Variants in SLC35F4 observed in about 807,000 individuals in gnomAD.
SLC35F4 encodes the protein chromosome 14 open reading frame 36.
SLC35F4 carries 24 observed loss-of-function variants against 44.2 expected under a neutral mutation model. The ratio of observed to expected loss-of-function variants is 0.54; its 90% CI spans 0.39 to 0.76. SLC35F4 has a LOEUF of 0.76. Among genes scored for constraint, SLC35F4 ranks in the 30% least tolerant of loss-of-function variants. The probability of loss-of-function intolerance (pLI) is 0.00; values close to 1 mark genes in which losing one functional copy is unlikely to be tolerated. For synonymous variants in SLC35F4, 238 were observed against 223.6 expected (o/e 1.06, Z -0.57); for missense variants, 562 against 586.1 (o/e 0.96, Z 0.42).
chr14:57,886,937 T>A (rs1057470391), intron 1 of SLC35F4, among the ~76,000 whole-genome samples: 1 of 152,184 alleles, frequency 6.6e-6, no homozygotes, highest in Non-Finnish European at 1.5e-5. Flanking sequence ...ATCCCATGTG[T>A]TTAAGACACC....
intron 1 of SLC35F4, among the ~76,000 whole-genome samples, chr14:57,904,350 GAC>G (rs1047984293): frequency 1.3e-5 from 2 of 152,246 alleles, no homozygotes; most frequent in Non-Finnish European, 2.9e-5. Context: ...TGAAAATTTG[GAC>G]AGTTTTGTTA....
intron 1 of SLC35F4, among the ~76,000 whole-genome samples, chr14:57,816,569 G>A: frequency 6.6e-6 from 1 of 152,178 alleles, no homozygotes; most frequent in East Asian, 1.9e-4. Context: ...TGAATTTACT[G>A]ATGTAGTAAC....
chr14:57,566,465 G>C lies in SLC35F4; in HGVS notation c.1216+10C>G, dbSNP rs199644690. 7 of 1,581,064 alleles carry C rather than the reference G, an allele frequency of 4.4e-6. No individual in the cohort carries two copies. In the African/African-American group the frequency reaches 9.4e-5, roughly 21 times the overall value. On this transcript the variant is annotated intron_variant, in intron 7 of 7. Transcript: ENST00000556826. ...GGCCAGGATCTGCACATGTCACATG[G>C]TGCCTGTACCTGCATTTCCAGGAAC...
intron 1 of SLC35F4, among the ~76,000 whole-genome samples, chr14:57,872,801 T>C (rs1420088988): frequency 1.3e-5 from 2 of 152,192 alleles, no homozygotes; most frequent in Admixed American, 1.3e-4. Flanking sequence ...TCAGTCTTCA[T>C]GCTAAACTAT....
At chr14:57,645,069 T>C (rs2073436790) in intron 1 of SLC35F4, among the ~76,000 whole-genome samples, 1 of 152,264 alleles carries the variant, frequency 6.6e-6, no homozygotes, top group African/African-American at 2.4e-5. Flanking sequence ...CCTCCAGCTT[T>C]GTTCTTTTGG....
At chr14:57,659,252 C>T (rs1385028648) in intron 1 of SLC35F4, among the ~76,000 whole-genome samples, 1 of 151,976 alleles carries the variant, frequency 6.6e-6, no homozygotes, top group Middle Eastern at 3.2e-3. Context: ...AAAAGGAATC[C>T]CAAGGGACAG....
intron 1 of SLC35F4, among the ~76,000 whole-genome samples, chr14:57,864,916 C>T (rs150694230): frequency 9.6e-4 from 146 of 152,302 alleles, no homozygotes; most frequent in African/African-American, 3.4e-3. Flanking sequence ...GGACTGCGAG[C>T]AGAGCACACC....
chr14:57,763,452 C>CA (rs1437411400), intron 1 of SLC35F4, among the ~76,000 whole-genome samples: 1 of 152,030 alleles, frequency 6.6e-6, no homozygotes, highest in African/African-American at 2.4e-5. Context: ...GTGCAAACTC[C>CA]AGAGTCAGAA....
intron 1 of SLC35F4, among the ~76,000 whole-genome samples, chr14:57,834,800 A>G (rs1216180949): frequency 6.6e-6 from 1 of 152,210 alleles, no homozygotes; most frequent in East Asian, 1.9e-4. Context: ...TAGGCGGATC[A>G]CCTGAGGTCA....
intron 1 of SLC35F4, among the ~76,000 whole-genome samples, chr14:57,916,948 T>C (rs915076860): frequency 6.6e-6 from 1 of 152,218 alleles, no homozygotes; most frequent in African/African-American, 2.4e-5. Context: ...TCTTCATTTA[T>C]GTTAGAGTTT....
intron 1 of SLC35F4, among the ~76,000 whole-genome samples, chr14:57,966,549 T>C (rs1890441722): frequency 6.6e-6 from 1 of 152,166 alleles, no homozygotes; most frequent in South Asian, 2.1e-4. Context: ...GAATATAATA[T>C]TATATCACTG....
At chr14:57,630,550 TA>T in intron 1 of SLC35F4, 2 of 1,102,180 alleles carry the variant, frequency 1.8e-6, no homozygotes, top group Non-Finnish European at 2.8e-6. Flanking sequence ...AAACACATTA[TA>T]AGTCTGGCTC....
chr14:57,774,551 C>T (rs372492689), intron 1 of SLC35F4, among the ~76,000 whole-genome samples: 1 of 152,186 alleles, frequency 6.6e-6, no homozygotes, highest in South Asian at 2.1e-4. Context: ...CTGACCTGAA[C>T]CCTGCGAGGT....
chr14:57,701,205 C>G (rs1309369784), intron 1 of SLC35F4, among the ~76,000 whole-genome samples: 1 of 150,852 alleles, frequency 6.6e-6, no homozygotes, highest in Non-Finnish European at 1.5e-5. Context: ...TTAGTCTAGA[C>G]CTACACAGGG....
At chr14:57,680,859 T>G (rs78996124) in intron 1 of SLC35F4, among the ~76,000 whole-genome samples, 22,403 of 151,930 alleles carry the variant, frequency 0.15, 1,896 homozygotes, top group East Asian at 0.29. Context: ...ACTGCTCAAG[T>G]AAATAAGAGA....
intron 1 of SLC35F4, among the ~76,000 whole-genome samples, chr14:57,877,202 C>T (rs1284620558): frequency 6.6e-6 from 1 of 152,106 alleles, no homozygotes; most frequent in African/African-American, 2.4e-5. Context: ...TTGTTCTCTT[C>T]TTTGTGTCCA....
At chr14:57,799,878 A>AG (rs2078148844) in intron 1 of SLC35F4, among the ~76,000 whole-genome samples, 1 of 152,026 alleles carries the variant, frequency 6.6e-6, no homozygotes, top group South Asian at 2.1e-4. Context: ...TGGAGCTCTG[A>AG]GGGGGAGGTG....
At chr14:57,798,503 C>T (rs949744316) in intron 1 of SLC35F4, among the ~76,000 whole-genome samples, 1 of 152,158 alleles carries the variant, frequency 6.6e-6, no homozygotes, top group Non-Finnish European at 1.5e-5. Context: ...CTAAACAATT[C>T]TGAAACTTCC....
intron 1 of SLC35F4, among the ~76,000 whole-genome samples, chr14:57,787,426 C>T (rs753442491): frequency 1.4e-4 from 21 of 152,088 alleles, no homozygotes; most frequent in Non-Finnish European, 2.2e-4. Context: ...CTGGGAAATT[C>T]ATCGTAAAAA....
Sources: gnomAD v4.1 joint callset for allele counts (sites outside exome capture counted in the v4.1 genomes callset) on GRCh38, gnomAD v4.1.1 for gene constraint, MANE v1.5 for transcripts, NCBI Gene and HGNC (gene_info 2026-07-23, HGNC 2026-07-21) for gene names.